NBN: variants seen among roughly 807,000 people sequenced by gnomAD.
The protein encoded by NBN is nibrin.
NBN carries 88 observed loss-of-function variants against 90.8 expected under a neutral mutation model. The observed-to-expected ratio is 0.97, with a 90% CI of 0.82 to 1.16. The LOEUF is 1.16. Among genes scored for constraint, NBN ranks in the 50% most tolerant of loss-of-function variants. The pLI, the probability that NBN is intolerant of heterozygous loss-of-function variation, is 0.00. For missense variants in NBN, 894 were observed against 869.6 expected (o/e 1.03, Z -0.35); for synonymous variants, 328 against 295.1 (o/e 1.11, Z -1.14).
In NBN at chr8:89,975,337, T is replaced by C. The variant is rs76488698; in HGVS notation, c.584+2883A>G. Reference sequence around the variant, plus strand: ...TTTTTTGGAACATTAGAGGTACTTATGTAATCAAAGGCGTCACCACAATTT... The same window carrying C: ...TTTTTTGGAACATTAGAGGTACTTACGTAATCAAAGGCGTCACCACAATTT... On this transcript the variant is annotated intron_variant, in intron 5 of 15. Transcript: ENST00000265433. Among the ~76,000 whole-genome samples the C allele has an allele frequency of 5.2e-3, 785 of 152,332 alleles. 5 individuals are homozygous for C. The highest frequency in any genetic ancestry group is 7.4e-3 in the Non-Finnish European group (504 of 68,020).
intron 4 of NBN, among the ~76,000 whole-genome samples, chr8:89,978,778 T>A (rs1289974743): frequency 1.3e-5 from 2 of 152,232 alleles, no homozygotes; most frequent in African/African-American, 2.4e-5. Context: ...ATTGTAACTA[T>A]GCAATAAAGC....
chr8:89,984,307 C>A (rs1812224565), intron 1 of NBN: 7 of 616,588 alleles, frequency 1.1e-5, no homozygotes, highest in Admixed American at 2.7e-5. Context: ...CCAGGGGGCG[C>A]CGCAATCACC....
rs1037051703 is a variant in NBN, at chr8:89,970,367, T to C, written c.893A>G (p.Gln298Arg). The C allele has an allele frequency of 6.2e-7, 1 of 1,605,738 alleles. No homozygotes were observed. Among genetic ancestry groups the C allele is most frequent in the South Asian group, 1.1e-5 (1 of 90,890 alleles). The change falls in exon 7 of 16, where the codon CAA becomes CGA. Residue 298 changes from glutamine to arginine, a missense_variant. By Grantham distance (43) the Gln-to-Arg change is conservative. Transcript: ENST00000265433. ...KWIQSIMDML[Q>R]RQGLRPIPEA... The stretch of plus-strand genomic sequence containing the variant: ...CTAATAAAGAATAATTCTATACCTT[T>C]GGAGCATATCCATTATTGACTGAAT...
intron 3 of NBN, 116 bp from the exon 4 acceptor site, chr8:89,981,009 T>C (rs1812040210): frequency 7.9e-6 from 7 of 885,864 alleles, no homozygotes; most frequent in South Asian, 1.5e-5. Context: ...CTTTTATTTA[T>C]TGTTACCCTT....
chr8:89,982,644 C>G, intron 2 of NBN, 78 bp downstream of exon 2: 1 of 1,285,980 alleles, frequency 7.8e-7, no homozygotes, highest in Admixed American at 1.7e-5. Context: ...TGAACTCTCT[C>G]TCACATACAA....
At chr8:89,974,562 C>G (rs1043175756) in intron 5 of NBN, among the ~76,000 whole-genome samples, 3 of 152,080 alleles carry the variant, frequency 2.0e-5, no homozygotes, top group Admixed American at 1.3e-4. Context: ...GCAAAGCAAG[C>G]AGCATGAGCC....
chr8:89,960,180 G>A (rs905583464), intron 8 of NBN, among the ~76,000 whole-genome samples: 3 of 152,154 alleles, frequency 2.0e-5, no homozygotes, highest in Non-Finnish European at 4.4e-5. Context: ...GACACAGGAT[G>A]TGCTTAATAT....
At chr8:89,936,276 C>G (rs1809679355) in intron 15 of NBN, among the ~76,000 whole-genome samples, 1 of 151,982 alleles carries the variant, frequency 6.6e-6, no homozygotes, top group African/African-American at 2.4e-5. Context: ...GGGGTTTCTC[C>G]ATGCTGGCCA....
At chr8:89,968,975 T>C (rs1811379249) in intron 7 of NBN, among the ~76,000 whole-genome samples, 1 of 152,244 alleles carries the variant, frequency 6.6e-6, no homozygotes, top group Admixed American at 6.5e-5. Flanking sequence ...GTAAAATATT[T>C]ATAGGATAGA....
At chr8:89,968,815 T>C (rs1381537985) in intron 7 of NBN, among the ~76,000 whole-genome samples, 1 of 152,240 alleles carries the variant, frequency 6.6e-6, no homozygotes, top group Non-Finnish European at 1.5e-5. Flanking sequence ...GCTCCAGTGA[T>C]GGCAGGGACT....
At chr8:89,979,478 T>C (rs1279775685) in intron 4 of NBN, among the ~76,000 whole-genome samples, 1 of 152,228 alleles carries the variant, frequency 6.6e-6, no homozygotes, top group Non-Finnish European at 1.5e-5. Flanking sequence ...AATTGGTCCA[T>C]GCCTCAGTTT....
In NBN at chr8:89,947,747, T is replaced by C; in HGVS notation, c.1914+77A>G. 4 of 806,198 alleles carry C rather than the reference T, an allele frequency of 5.0e-6. No homozygotes were observed. The South Asian group carries it at 5.9e-5, about 12-fold the overall frequency. 49.9% of individuals were successfully genotyped at this position (806,198 alleles called of 1,614,324 possible). ...TAGGAAAGAGAAATAATCCTAAGAA[T>C]GTAAAATCACAAAAATTGATGAGAT... is the stretch of plus-strand genomic sequence containing the variant. On this transcript the variant is annotated intron_variant, in intron 12 of 15. Coordinates refer to ENST00000265433, the MANE Select transcript of NBN (RefSeq NM_002485.5).
chr8:89,962,436 C>G (rs74466496), intron 8 of NBN, among the ~76,000 whole-genome samples: 2,669 of 152,198 alleles, frequency 0.018, 77 homozygotes, highest in African/African-American at 0.06. Context: ...AATCTATCAA[C>G]AAAATAATAT....
intron 8 of NBN, among the ~76,000 whole-genome samples, chr8:89,962,215 T>TG (rs1405970561): frequency 6.6e-6 from 1 of 152,176 alleles, no homozygotes; most frequent in Non-Finnish European, 1.5e-5. Context: ...TTCTGAATCA[T>TG]GGACAATGTA....
intron 7 of NBN, among the ~76,000 whole-genome samples, chr8:89,965,208 A>G (rs1811192207): frequency 6.6e-6 from 1 of 152,192 alleles, no homozygotes; most frequent in South Asian, 2.1e-4. Flanking sequence ...GAAGAAAAAA[A>G]GAAGAGAGAG....
chr8:89,984,575 C>T lies in NBN; in HGVS notation c.-14G>A, dbSNP rs1451007339. The T allele has an allele frequency of 6.2e-6, 10 of 1,612,804 alleles. No individual in the cohort carries two copies. The South Asian group carries it at 7.7e-5, about 12-fold the overall frequency. ...CAGTTTCCACATCGGTCCGGCTCCT[C>T]AGGGCTGGGGCCGACGTGCAACCGC... On this transcript the variant is annotated 5_prime_UTR_variant, in exon 1 of 16. Transcript: ENST00000265433.
At position 89,953,655 on chromosome 8, in the gene NBN, G is replaced by A. The variant is rs1060503473; in HGVS notation, c.1434C>T (p.Cys478=). Residue 478 remains cysteine, a synonymous_variant, in exon 11 of 16, where the codon TGC becomes TGT. Transcript: ENST00000265433. ...AAGACGTTTCTATTCTTGCTGATTT[G>A]CATGAAGACATTTCTTGATTTTCTT... ...RDEENQEMSS[C]KSARIETSCS... The A allele has an allele frequency of 3.7e-6, 6 of 1,611,952 alleles. No homozygotes were observed. Among genetic ancestry groups the A allele is most frequent in the Non-Finnish European group, 1.7e-6 (2 of 1,179,342 alleles).
intron 14 of NBN, among the ~76,000 whole-genome samples, chr8:89,938,521 A>G (rs1279645943): frequency 6.6e-6 from 1 of 151,882 alleles, no homozygotes; most frequent in Non-Finnish European, 1.5e-5. Flanking sequence ...ATGTAACTTC[A>G]TTACTATTAT....
chr8:89,951,769 C>A (rs1041839261), intron 11 of NBN, among the ~76,000 whole-genome samples: 2 of 147,482 alleles, frequency 1.4e-5, no homozygotes, highest in Non-Finnish European at 3.0e-5. Flanking sequence ...AAAAAAAAAA[C>A]CTCTGTCTCT....
Sources: allele counts gnomAD v4.1 joint callset (sites outside exome capture counted in the v4.1 genomes callset), GRCh38; gene constraint gnomAD v4.1.1; transcripts MANE v1.5; gene names NCBI Gene and HGNC (gene_info 2026-07-23, HGNC 2026-07-21).